The following CTNNA3 variants were observed in gnomAD, a reference collection of about 807,000 sequenced individuals.
The protein encoded by CTNNA3 is catenin alpha 3.
CTNNA3 carries 76 observed loss-of-function variants against 95.7 expected under a neutral mutation model. The ratio of observed to expected loss-of-function variants is 0.79; its 90% CI spans 0.66 to 0.96. The LOEUF is 0.96. CTNNA3 is among the 40% of genes least tolerant of loss of function. CTNNA3 has a pLI of 0.00. For synonymous variants in CTNNA3, 431 were observed against 374.4 expected (o/e 1.15, Z -1.74); for missense variants, 1,191 against 1,089.8 (o/e 1.09, Z -1.31).
intron 7 of CTNNA3, among the ~76,000 whole-genome samples, chr10:66,781,942 G>A (rs1047531133): frequency 1.3e-5 from 2 of 152,230 alleles, no homozygotes; most frequent in Admixed American, 6.5e-5. Context: ...AGGTAGAACT[G>A]TGTCCCATCT....
At chr10:67,034,103 A>G (rs776192896) in intron 7 of CTNNA3, among the ~76,000 whole-genome samples, 2 of 152,128 alleles carry the variant, frequency 1.3e-5, no homozygotes, top group Non-Finnish European at 2.9e-5. Flanking sequence ...AAATAAGCTG[A>G]CACATTGTTA....
intron 11 of CTNNA3, among the ~76,000 whole-genome samples, chr10:66,416,797 A>T (rs1393444019): frequency 6.6e-6 from 1 of 152,070 alleles, no homozygotes; most frequent in Non-Finnish European, 1.5e-5. Flanking sequence ...TGACCATACA[A>T]TAAATACTCA....
intron 13 of CTNNA3, among the ~76,000 whole-genome samples, chr10:66,171,515 C>T (rs905214628): frequency 2.0e-5 from 3 of 149,946 alleles, no homozygotes; most frequent in Admixed American, 1.3e-4. Flanking sequence ...CACTGCACTC[C>T]AGCCTGGGTG....
At chr10:67,760,321 G>A (rs1450506147) in intron 1 of CTNNA3, among the ~76,000 whole-genome samples, 6 of 152,038 alleles carry the variant, frequency 3.9e-5, no homozygotes, top group East Asian at 1.9e-4. Context: ...CCATCTACAC[G>A]TCTCAATTTA....
At chr10:67,564,677 G>GTATGTGTATA (rs1554854250) in intron 3 of CTNNA3, among the ~76,000 whole-genome samples, 12 of 61,310 alleles carry the variant, frequency 2.0e-4, no homozygotes, top group African/African-American at 6.4e-4. Flanking sequence ...GTGTGTGTGT[G>GTATGTGTATA]TATATATATA....
intron 3 of CTNNA3, among the ~76,000 whole-genome samples, chr10:67,581,591 A>T (rs534344331): frequency 1.3e-5 from 2 of 152,224 alleles, no homozygotes; most frequent in Admixed American, 1.3e-4. Flanking sequence ...GTTAGGGAGG[A>T]TTCCCTCTTT....
intron 5 of CTNNA3, among the ~76,000 whole-genome samples, chr10:67,315,951 T>C (rs766421769): frequency 3.3e-5 from 5 of 152,132 alleles, no homozygotes; most frequent in African/African-American, 9.7e-5. Context: ...TAGAAAACAA[T>C]TGAAATTGAC....
intron 5 of CTNNA3, among the ~76,000 whole-genome samples, chr10:67,250,862 T>A (rs898788791): frequency 2.0e-5 from 3 of 152,192 alleles, no homozygotes; most frequent in Non-Finnish European, 4.4e-5. Context: ...AATAAAACTT[T>A]CACTCATTTC....
At chr10:66,979,110 A>T (rs1850260148) in intron 7 of CTNNA3, among the ~76,000 whole-genome samples, 1 of 151,474 alleles carries the variant, frequency 6.6e-6, no homozygotes, top group Non-Finnish European at 1.5e-5. Flanking sequence ...GATTACAGGC[A>T]CCCACCACCA....
intron 7 of CTNNA3, among the ~76,000 whole-genome samples, chr10:67,003,017 A>T (rs1350009453): frequency 2.6e-5 from 4 of 152,174 alleles, no homozygotes; most frequent in Non-Finnish European, 1.5e-5. Flanking sequence ...CACGGTAATT[A>T]TGATACTATT....
intron 7 of CTNNA3, among the ~76,000 whole-genome samples, chr10:66,996,000 C>A (rs959307244): frequency 6.6e-6 from 1 of 152,146 alleles, no homozygotes; most frequent in Non-Finnish European, 1.5e-5. Flanking sequence ...CTATTATATC[C>A]TACACAATCA....
intron 3 of CTNNA3, among the ~76,000 whole-genome samples, chr10:67,579,927 T>G (rs1365705652): frequency 6.6e-6 from 1 of 152,246 alleles, no homozygotes; most frequent in Non-Finnish European, 1.5e-5. Context: ...TAAATTTGTT[T>G]AAGTTCTTTA....
intron 9 of CTNNA3, among the ~76,000 whole-genome samples, chr10:66,738,804 G>C (rs1238193303): frequency 6.6e-6 from 1 of 152,068 alleles, no homozygotes; most frequent in East Asian, 1.9e-4. Flanking sequence ...CAGTAAAGTA[G>C]GTGTATTTAT....
At chr10:67,433,593 T>C (rs1344275804) in intron 5 of CTNNA3, among the ~76,000 whole-genome samples, 2 of 152,060 alleles carry the variant, frequency 1.3e-5, no homozygotes, top group African/African-American at 4.8e-5. Context: ...CCTGTGTTTC[T>C]TTGTATTGCC....
intron 14 of CTNNA3, chr10:66,085,035 G>T (rs554795101): frequency 6.6e-6 from 1 of 152,130 alleles, no homozygotes; most frequent in Admixed American, 6.6e-5. Context: ...CTGCTCATGA[G>T]AATTCACAAA....
At chr10:67,660,856 G>A (rs1221438311) in intron 1 of CTNNA3, among the ~76,000 whole-genome samples, 16 of 151,678 alleles carry the variant, frequency 1.1e-4, no homozygotes, top group East Asian at 1.9e-4. Context: ...GCTTGAACCC[G>A]GGAGGCAGAG....
intron 12 of CTNNA3, among the ~76,000 whole-genome samples, chr10:66,315,782 A>C (rs1327362831): frequency 6.6e-6 from 1 of 152,110 alleles, no homozygotes; most frequent in East Asian, 1.9e-4. Flanking sequence ...TAACAAGTTT[A>C]TTCTCTTAGG....
At chr10:65,995,091 T>C (rs1240033524) in intron 15 of CTNNA3, among the ~76,000 whole-genome samples, 2 of 152,132 alleles carry the variant, frequency 1.3e-5, no homozygotes, top group African/African-American at 2.4e-5. Flanking sequence ...TTATCTGTGT[T>C]CTATTGTATC....
chr10:67,092,307 G>A (rs970927856), intron 7 of CTNNA3, among the ~76,000 whole-genome samples: 1 of 151,822 alleles, frequency 6.6e-6, no homozygotes, highest in African/African-American at 2.4e-5. Context: ...AATGAGTAGA[G>A]ATATTTATAC....
Sources: allele counts gnomAD v4.1 joint callset (sites outside exome capture counted in the v4.1 genomes callset), GRCh38; gene constraint gnomAD v4.1.1; transcripts MANE v1.5; gene names NCBI Gene and HGNC (gene_info 2026-07-23, HGNC 2026-07-21).